ASXL1: variants seen among roughly 807,000 people sequenced by gnomAD.
ASXL1 encodes polycomb group protein ASXL1.
A neutral mutation model predicts 89.1 loss-of-function variants in ASXL1; 65 were observed. That is an observed-to-expected ratio of 0.73 (90% CI 0.60 to 0.90). The LOEUF is 0.90. Among genes scored for constraint, ASXL1 ranks in the 40% least tolerant of loss-of-function variants. The pLI, the probability that ASXL1 is intolerant of heterozygous loss-of-function variation, is 0.00. For missense variants in ASXL1, 1,786 were observed against 1,942.9 expected (o/e 0.92, Z 1.52); for synonymous variants, 739 against 746.9 (o/e 0.99, Z 0.17).
In ASXL1 at chr20:32,377,303, C is replaced by T. The variant is rs537754952; in HGVS notation, c.252+8180C>T. Among the ~76,000 whole-genome samples the T allele has an allele frequency of 6.6e-5, 10 of 150,838 alleles. No individual in the cohort carries two copies. The East Asian group carries it at 1.2e-3, about 18-fold the overall frequency. On this transcript the variant is annotated intron_variant, in intron 4 of 12. Transcript: ENST00000375687. ...CCTGGCCAGAATTATATTTTATCTA[C>T]GTGGTTTTACTATTTGAAAATAATT... is the stretch of plus-strand genomic sequence containing the variant.
In ASXL1 at chr20:32,429,499, C is replaced by A; in HGVS notation, c.565+68C>A. ...TGGGGACCTGGCCTCCCTCTGTCAG[C>A]AGTTTCTGACCTAATAGTGCGATAC... is the stretch of plus-strand genomic sequence containing the variant. On this transcript the variant is annotated intron_variant, in intron 7 of 12. Coordinates refer to ENST00000375687, the MANE Select transcript of ASXL1 (RefSeq NM_015338.6). The surrounding 1 kb of genome is among the most constrained non-coding windows in gnomAD (Gnocchi z 4.9). 1.3e-6 allele frequency: 2 copies of A among 1,489,358 alleles called. No individual in the cohort carries two copies. Among genetic ancestry groups the A allele is most frequent in the Non-Finnish European group, 1.9e-6 (2 of 1,067,730 alleles). 92.3% of individuals were successfully genotyped at this position (1,489,358 alleles called of 1,614,324 possible).
chr20:32,430,899 C>T (rs918288102), intron 8 of ASXL1: 1 of 435,098 alleles, frequency 2.3e-6, no homozygotes. Context: ...GATCATCCCT[C>T]TCCAGCCCAT....
Position 32,397,493 on chromosome 20 carries a change from G to A in ASXL1, c.252+28370G>A, listed in dbSNP as rs576626779. On this transcript the variant is annotated intron_variant, in intron 4 of 12. Coordinates refer to ENST00000375687, the MANE Select transcript of ASXL1 (RefSeq NM_015338.6). ...CGGCTCGCTGCAGCCACTGCCTCCC[G>A]GGTTCAAGCAGTTCTCCTGCCTCAC... is the stretch of plus-strand genomic sequence containing the variant. 7.8e-5 allele frequency among the ~76,000 whole-genome samples: 10 copies of A among 128,848 alleles called. No homozygotes were observed. The East Asian group carries it at 1.3e-3, about 16-fold the overall frequency. The allele number at this position is 128,848 out of a possible 152,430, so 84.5% of individuals were successfully genotyped here. A position where few individuals can be genotyped will look rare whatever the true frequency, so the allele number is the denominator to read the frequency against.
At chr20:32,371,162 G>T (rs983195286) in intron 4 of ASXL1, among the ~76,000 whole-genome samples, 3 of 151,942 alleles carry the variant, frequency 2.0e-5, no homozygotes, top group Admixed American at 6.6e-5. Flanking sequence ...ACCTGGGAGG[G>T]ATTTAACCCT....
chr20:32,386,501 T>C (rs2048581039), intron 4 of ASXL1, among the ~76,000 whole-genome samples: 1 of 151,880 alleles, frequency 6.6e-6, no homozygotes, highest in African/African-American at 2.4e-5. Flanking sequence ...CACTGCAACC[T>C]CCACCTCCCG....
At chr20:32,378,360 G>A (rs1408560021) in intron 4 of ASXL1, among the ~76,000 whole-genome samples, 1 of 152,036 alleles carries the variant, frequency 6.6e-6, no homozygotes, top group Non-Finnish European at 1.5e-5. Flanking sequence ...GTGAGGTCAG[G>A]TGTAGAAATT....
intron 11 of ASXL1, 55 bp from the exon 12 acceptor site, chr20:32,433,229 A>G: frequency 6.2e-7 from 1 of 1,612,014 alleles, no homozygotes; most frequent in Non-Finnish European, 8.5e-7. Flanking sequence ...ATTCATAGAA[A>G]TAAGAGACAT....
At chr20:32,397,080 T>C (rs1301023128) in intron 4 of ASXL1, among the ~76,000 whole-genome samples, 1 of 148,442 alleles carries the variant, frequency 6.7e-6, no homozygotes, top group African/African-American at 2.5e-5. Flanking sequence ...AGTCATGCTC[T>C]GTTGCTCAGG....
chr20:32,424,477 G>A (rs1569311298), intron 4 of ASXL1, among the ~76,000 whole-genome samples: 1 of 152,202 alleles, frequency 6.6e-6, no homozygotes, highest in Non-Finnish European at 1.5e-5. Context: ...GGAGGTTGCA[G>A]TGAGCCGAGA....
chr20:32,391,817 G>C (rs2048676554), intron 4 of ASXL1, among the ~76,000 whole-genome samples: 1 of 152,106 alleles, frequency 6.6e-6, no homozygotes, highest in African/African-American at 2.4e-5. Context: ...TAAAATTTCT[G>C]CTCTTCCTGG....
At chr20:32,397,942 A>T (rs1600522393) in intron 4 of ASXL1, among the ~76,000 whole-genome samples, 1 of 152,242 alleles carries the variant, frequency 6.6e-6, no homozygotes, top group East Asian at 1.9e-4. Context: ...ACACGGTCAG[A>T]ATACCACATT....
chr20:32,434,987 TGCCAG>T lies in ASXL1; in HGVS notation c.2279_2283del (p.Gln760LeufsTer12). The T allele has an allele frequency of 6.2e-7, 1 of 1,614,158 alleles. No individual in the cohort carries two copies. Among genetic ancestry groups the T allele is most frequent in the Non-Finnish European group, 8.5e-7 (1 of 1,180,022 alleles). ...CGTTGCTCCCACTGGGGACCAGCCA[TGCCAG>T]GCCTTGCCCCTACTGTCCTCCCAAA... On this transcript the variant is annotated frameshift_variant, in exon 13 of 13. Coordinates refer to ENST00000375687, the MANE Select transcript of ASXL1 (RefSeq NM_015338.6). LOFTEE classifies it low-confidence loss of function (END_TRUNC).
intron 4 of ASXL1, among the ~76,000 whole-genome samples, chr20:32,426,549 T>TC (rs1491029873): frequency 5.1e-5 from 5 of 98,568 alleles, no homozygotes; most frequent in African/African-American, 1.6e-4. Context: ...TTCTTTTTTT[T>TC]CTTTCTTTTT....
intron 6 of ASXL1, 59 bp downstream of exon 6, chr20:32,428,481 T>G: frequency 3.5e-6 from 5 of 1,438,062 alleles, no homozygotes; most frequent in Non-Finnish European, 4.9e-6. Flanking sequence ...TAAGGCAAGA[T>G]CCCTCCTTCT....
At chr20:32,360,665 T>C (rs1459789294) in intron 1 of ASXL1, 2 of 157,570 alleles carry the variant, frequency 1.3e-5, no homozygotes, top group African/African-American at 4.8e-5. Context: ...AAAGTTCTGT[T>C]GGCTCTTACT....
At chr20:32,367,854 A>G (rs1600473550) in intron 3 of ASXL1, 125 bp downstream of exon 3, 2 of 736,758 alleles carry the variant, frequency 2.7e-6, no homozygotes, top group East Asian at 4.9e-5. Context: ...TAATTTGTAG[A>G]CAGAGGTATA....
rs150119795 is a variant in ASXL1, at chr20:32,437,205, C to T, written c.4493C>T (p.Thr1498Met). 4.1e-4 allele frequency: 668 copies of T among 1,613,482 alleles called. 1 individual carries two copies. The highest frequency in any genetic ancestry group is 5.3e-4 in the Non-Finnish European group (629 of 1,179,506). The change falls in exon 13 of 13, where the codon ACG becomes ATG. Residue 1498 changes from threonine (T) to methionine (M), a missense_variant. Thr to Met is a moderately conservative substitution (Grantham distance 81). Coordinates refer to ENST00000375687, the MANE Select transcript of ASXL1 (RefSeq NM_015338.6). ...TTGCAAATGTTCACTGACAGCAGCA[C>T]GGTGGAAAGCATCTCGCTCCAGTGT... ...LSLQMFTDSSTVESISLQCAC... is the reference protein window; with the variant it reads ...LSLQMFTDSSMVESISLQCAC...
rs1298888578 is a variant in ASXL1, at chr20:32,438,220, C to T, written c.*882C>T. On this transcript the variant is annotated 3_prime_UTR_variant, in exon 13 of 13. Transcript: ENST00000375687. ...ATTTTTATATTTTTAACTCTTTATT[C>T]TTGGATGTATAAAGTGAACTTTTTG... 3 of 233,282 alleles carry T rather than the reference C, an allele frequency of 1.3e-5. No homozygotes were observed. Among genetic ancestry groups the T allele is most frequent in the African/African-American group, 4.4e-5 (2 of 45,294 alleles). The allele number at this position is 233,282 out of a possible 1,614,324, so 14.5% of individuals were successfully genotyped here.
Position 32,437,147 on chromosome 20 carries a change from A to G in ASXL1, c.4435A>G (p.Asn1479Asp), listed in dbSNP as rs1417907059. 6.2e-7 allele frequency: 1 copy of G among 1,614,190 alleles called. No individual in the cohort carries two copies. The highest frequency in any genetic ancestry group is 1.1e-5 in the South Asian group (1 of 91,086). Residue 1479 changes from asparagine to aspartate, a missense_variant, in exon 13 of 13, where the codon AAC becomes GAC. By Grantham distance (23) the Asn-to-Asp change is conservative. Around this residue, in one of 3 missense-constraint regions of ASXL1, gnomAD observed 1,418 missense variants for 1,427.8 expected, o/e 0.99. Transcript: ENST00000375687. The stretch of plus-strand genomic sequence containing the variant: ...TGTGGTGCAGCTGAGCCACAAAGCA[A>G]ACTTTGGTGCGAGCCACAGTGCATC... ...GSVVQLSHKA[N>D]FGASHSASLS...
Sources: gnomAD v4.1 joint callset for allele counts (sites outside exome capture counted in the v4.1 genomes callset) on GRCh38, gnomAD v4.1.1 for gene constraint, gnomAD v4.1.1 regional missense constraint, Gnocchi (gnomAD v3.1) non-coding constraint, MANE v1.5 for transcripts, NCBI Gene and HGNC (gene_info 2026-07-23, HGNC 2026-07-21) for gene names.